CPM: variants seen among roughly 807,000 people sequenced by gnomAD.
The protein encoded by CPM is renal carboxypeptidase.
Under a neutral mutation model 46.4 loss-of-function variants are expected in CPM, and 35 were observed. That is an observed-to-expected ratio of 0.75 (90% CI 0.58 to 1.00). The LOEUF is 1.00. CPM is among the 50% of genes least tolerant of loss of function. The probability of loss-of-function intolerance (pLI) is 0.00; values close to 1 mark genes in which losing one functional copy is unlikely to be tolerated. For synonymous variants in CPM, 195 were observed against 195.3 expected, an observed-to-expected ratio of 1.00 and a Z score of 0.01; for missense variants, 422 against 530.4, an observed-to-expected ratio of 0.80 and a Z score of 2.01.
Position 68,856,587 on chromosome 12 carries a change from AAGT to A in CPM, c.1179_1181del (p.Leu394del). 6.2e-7 allele frequency: 1 copy of A among 1,614,254 alleles called. No homozygotes were observed. Among genetic ancestry groups the A allele is most frequent in the Non-Finnish European group, 8.5e-7 (1 of 1,180,028 alleles). Reference sequence around the variant, plus strand: ...TAGAATCCAATTGCCCTTGGAATGGAAGTAGAATATCCTTTTTAAGAGCACTGA... The same window carrying A: ...TAGAATCCAATTGCCCTTGGAATGGAAGAATATCCTTTTTAAGAGCACTGA... On this transcript the variant is annotated inframe_deletion, in exon 9 of 9. Coordinates refer to ENST00000551568, the MANE Select transcript of CPM (RefSeq NM_198320.5).
chr12:68,862,484 T>G lies in CPM; in HGVS notation c.941-3413A>C, dbSNP rs1219881418. On this transcript the variant is annotated intron_variant, in intron 7 of 8. Coordinates refer to ENST00000551568, the MANE Select transcript of CPM (RefSeq NM_198320.5). ...CCTGATCTCAAGTGATCCGCCCACC[T>G]TGGCCTCCCAAAGTGCTGGGATTAC... is the stretch of plus-strand genomic sequence containing the variant. Among the ~76,000 whole-genome samples the G allele has an allele frequency of 5.0e-5, 7 of 139,910 alleles. 1 individual carries two copies. Among genetic ancestry groups the G allele is most frequent in the Admixed American group, 4.3e-4 (6 of 13,846 alleles). 91.8% of individuals were successfully genotyped at this position (139,910 alleles called of 152,430 possible). A position where few individuals can be genotyped will look rare whatever the true frequency, so the allele number is the denominator to read the frequency against.
Position 68,885,193 on chromosome 12 carries a change from C to T in CPM, c.258+599G>A, listed in dbSNP as rs932055253. ...CTACTGACCTCAAGTGATCTACCTG[C>T]CTTGGCCTCCCAAATTGCTGGGATT... On this transcript the variant is annotated intron_variant, in intron 3 of 8. Transcript: ENST00000551568. 2.6e-5 allele frequency among the ~76,000 whole-genome samples: 4 copies of T among 152,302 alleles called. No homozygotes were observed. The East Asian group carries it at 5.8e-4, about 22-fold the overall frequency.
intron 2 of CPM, among the ~76,000 whole-genome samples, chr12:68,887,727 T>A (rs1886491604): frequency 6.6e-6 from 1 of 152,142 alleles, no homozygotes; most frequent in Non-Finnish European, 1.5e-5. Context: ...CACACAAGCA[T>A]ATACTAGAGT....
At chr12:68,907,495 C>T (rs1044638208) in intron 2 of CPM, among the ~76,000 whole-genome samples, 1 of 152,144 alleles carries the variant, frequency 6.6e-6, no homozygotes, top group Non-Finnish European at 1.5e-5. Context: ...GCACAGTAGG[C>T]AAACACATGT....
chr12:68,846,463 G>A (rs557627849), downstream of CPM: 1 of 152,094 alleles, frequency 6.6e-6, no homozygotes, highest in African/African-American at 2.4e-5. Flanking sequence ...AAATTTTAGC[G>A]CTTTTGCCTG....
At chr12:68,958,357 T>C (rs1889059316) in intron 1 of CPM, among the ~76,000 whole-genome samples, 2 of 152,162 alleles carry the variant, frequency 1.3e-5, no homozygotes, top group Non-Finnish European at 2.9e-5. Context: ...GCTTCTGTTG[T>C]TTCCTGACTT....
chr12:68,884,951 T>C (rs750180019), intron 3 of CPM, among the ~76,000 whole-genome samples: 15 of 152,272 alleles, frequency 9.9e-5, no homozygotes, highest in Admixed American at 2.0e-4. Flanking sequence ...TTGTGTTTTG[T>C]TTTGTTTTTT....
intron 7 of CPM, 141 bp downstream of exon 7, chr12:68,866,755 A>G: frequency 1.4e-6 from 1 of 702,632 alleles, no homozygotes; most frequent in Non-Finnish European, 2.4e-6. Flanking sequence ...ATGCAGAGAG[A>G]ATTCTTAACC....
At chr12:68,889,764 A>G (rs1293503709) in intron 2 of CPM, among the ~76,000 whole-genome samples, 1 of 152,140 alleles carries the variant, frequency 6.6e-6, no homozygotes, top group Non-Finnish European at 1.5e-5. Flanking sequence ...AAGGAGATGA[A>G]TAACTCCTCC....
chr12:68,868,170 C>A (rs754096642), intron 6 of CPM, among the ~76,000 whole-genome samples: 4 of 152,128 alleles, frequency 2.6e-5, no homozygotes, highest in Non-Finnish European at 5.9e-5. Flanking sequence ...ACAGGATGGG[C>A]CCTTTCTTAG....
At chr12:68,921,487 C>A (rs566181521) in intron 2 of CPM, among the ~76,000 whole-genome samples, 1 of 152,136 alleles carries the variant, frequency 6.6e-6, no homozygotes, top group Non-Finnish European at 1.5e-5. Context: ...TGGTGGTGAA[C>A]CTCCTATAAT....
At position 68,853,945 on chromosome 12, in the gene CPM, G is replaced by A. The variant is rs1260009871; in HGVS notation, c.*2492C>T. The A allele has an allele frequency of 3.3e-5, 5 of 151,818 alleles. No individual in the cohort carries two copies. Among genetic ancestry groups the A allele is most frequent in the South Asian group, 2.1e-4 (1 of 4,802 alleles). 9.4% of individuals were successfully genotyped at this position (151,818 alleles called of 1,614,324 possible). A position where few individuals can be genotyped will look rare whatever the true frequency, so the allele number is the denominator to read the frequency against. On this transcript the variant is annotated 3_prime_UTR_variant, in exon 9 of 9. Transcript: ENST00000551568. ...TTACCCCTTAATTCTTATAGGTAAC[G>A]GTCTAATACAGGGTAACTCTCATAG...
At chr12:68,897,785 G>A (rs530985841) in intron 2 of CPM, among the ~76,000 whole-genome samples, 68 of 149,678 alleles carry the variant, frequency 4.5e-4, no homozygotes, top group Non-Finnish European at 3.0e-4. Flanking sequence ...GCACTATACA[G>A]TTATTGTCCA....
At chr12:68,932,575 A>C in intron 2 of CPM, 103 bp downstream of exon 2, 1 of 1,371,568 alleles carries the variant, frequency 7.3e-7, no homozygotes, top group Non-Finnish European at 1.0e-6. Flanking sequence ...TGTGCCACTC[A>C]GAGTAGGTGC....
chr12:68,865,964 C>T lies in CPM; in HGVS notation c.940+932G>A, dbSNP rs922910290. Among the ~76,000 whole-genome samples the T allele has an allele frequency of 3.9e-5, 6 of 152,140 alleles. No individual in the cohort carries two copies. In the South Asian group the frequency reaches 6.2e-4, roughly 16 times the overall value. The stretch of plus-strand genomic sequence containing the variant: ...GGCAATCTGTTTTAGCAAGCGCTCC[C>T]GGTGAGTCCACTGCACGTTTGAAAG... On this transcript the variant is annotated intron_variant, in intron 7 of 8. Coordinates refer to ENST00000551568, the MANE Select transcript of CPM (RefSeq NM_198320.5).
intron 2 of CPM, among the ~76,000 whole-genome samples, chr12:68,919,684 A>T (rs1887955979): frequency 1.3e-5 from 2 of 152,222 alleles, no homozygotes; most frequent in African/African-American, 4.8e-5. Flanking sequence ...CTAGAATGTG[A>T]CATTTCCCAA....
intron 2 of CPM, chr12:68,913,809 C>A: frequency 1.6e-6 from 1 of 616,830 alleles, no homozygotes; most frequent in South Asian, 1.4e-5. Flanking sequence ...TAATCCATCT[C>A]AGCATTTGTT....
intron 1 of CPM, among the ~76,000 whole-genome samples, chr12:68,941,049 T>C (rs902141821): frequency 6.6e-6 from 1 of 152,186 alleles, no homozygotes; most frequent in Non-Finnish European, 1.5e-5. Context: ...CTGACTAGTT[T>C]AGATTCCTAA....
intron 2 of CPM, among the ~76,000 whole-genome samples, chr12:68,912,380 G>A (rs1225190347): frequency 6.6e-6 from 1 of 152,062 alleles, no homozygotes; most frequent in Non-Finnish European, 1.5e-5. Context: ...TATTCTGATA[G>A]CTCCTCAATT....
Sources: gnomAD v4.1 joint callset for allele counts (sites outside exome capture counted in the v4.1 genomes callset) on GRCh38, gnomAD v4.1.1 for gene constraint, MANE v1.5 for transcripts, NCBI Gene and HGNC (gene_info 2026-07-23, HGNC 2026-07-21) for gene names.